Variants in KCNK2 observed in about 807,000 individuals in gnomAD.
The protein encoded by KCNK2 is potassium two pore domain channel subfamily K member 2, also known as potassium channel subfamily K member 2.
In KCNK2, 21 loss-of-function variants were observed where a neutral mutation model predicts 40.5. That is an observed-to-expected ratio of 0.52 (90% CI 0.37 to 0.75). KCNK2 has a LOEUF of 0.75. Among genes scored for constraint, KCNK2 ranks in the 30% least tolerant of loss-of-function variants. KCNK2 has a pLI of 0.00. For synonymous variants in KCNK2, 191 were observed against 202.2 expected (o/e 0.94, Z 0.47); for missense variants, 399 against 531.6 (o/e 0.75, Z 2.45).
intron 2 of KCNK2, among the ~76,000 whole-genome samples, chr1:215,092,994 G>T (rs1372048880): frequency 1.3e-5 from 2 of 152,188 alleles, no homozygotes; most frequent in Non-Finnish European, 2.9e-5. Flanking sequence ...TCCAAGTGGA[G>T]ATGTTAAGTA....
chr1:215,228,234 A>G (rs561815577), intron 6 of KCNK2, among the ~76,000 whole-genome samples: 1 of 152,310 alleles, frequency 6.6e-6, no homozygotes, highest in African/African-American at 2.4e-5. Flanking sequence ...AGCTACAAAG[A>G]TGATTGAGAA....
At chr1:215,078,742 A>T (rs1558079889), upstream of KCNK2, among the ~76,000 whole-genome samples, 1 of 152,168 alleles carries the variant, frequency 6.6e-6, no homozygotes, top group South Asian at 2.1e-4. Flanking sequence ...TCTCACTTTG[A>T]TTCTTACAAC....
intron 1 of KCNK2, among the ~76,000 whole-genome samples, chr1:215,059,864 A>G (rs1413211247): frequency 1.3e-5 from 2 of 152,202 alleles, no homozygotes; most frequent in African/African-American, 2.4e-5. Context: ...TGTGTGTTAC[A>G]TAAGCCTGGG....
chr1:215,187,284 ATAAGT>A (rs1251755313), intron 5 of KCNK2, among the ~76,000 whole-genome samples: 3 of 152,268 alleles, frequency 2.0e-5, no homozygotes, highest in East Asian at 1.9e-4. Context: ...ATTTGTACAG[ATAAGT>A]TAAAGTTAAT....
In KCNK2 at chr1:215,172,100, A is replaced by G. The variant is rs745451746; in HGVS notation, c.740A>G (p.His247Arg). The change falls in exon 5 of 7, where the codon CAC becomes CGC. Residue 247 changes from histidine (H) to arginine (R), a missense_variant. Around this residue, in one of 3 missense-constraint regions of KCNK2, gnomAD observed 279 missense variants for 353.8 expected, o/e 0.79. Transcript: ENST00000444842. ...FVALPAIIFK[H>R]IEGWSALDAI... ...GCTCTGCCTGCGATCATATTCAAAC[A>G]CATAGAAGGCTGGAGTGCCCTGGAC... 6.2e-7 allele frequency: 1 copy of G among 1,613,600 alleles called. No individual in the cohort carries two copies. Among genetic ancestry groups the G allele is most frequent in the East Asian group, 2.2e-5 (1 of 44,844 alleles).
At chr1:215,213,215 T>G (rs148036128) in intron 6 of KCNK2, among the ~76,000 whole-genome samples, 1,875 of 152,300 alleles carry the variant, frequency 0.012, 24 homozygotes, top group Non-Finnish European at 0.014. Flanking sequence ...GTTCTTTTTG[T>G]GTAGGGGCAG....
intron 3 of KCNK2, among the ~76,000 whole-genome samples, chr1:215,135,567 A>G (rs1450774400): frequency 6.6e-6 from 1 of 151,762 alleles, no homozygotes; most frequent in Admixed American, 6.6e-5. Context: ...CCTAATTTTT[A>G]TAATATAAAA....
intron 1 of KCNK2, among the ~76,000 whole-genome samples, chr1:215,007,425 G>T (rs182886394): frequency 1.3e-5 from 2 of 151,446 alleles, no homozygotes; most frequent in African/African-American, 2.4e-5. Context: ...AGATCAAAAG[G>T]CTCTTGGAGT....
intron 1 of KCNK2, among the ~76,000 whole-genome samples, chr1:215,010,866 T>TGGG (rs1396386615): frequency 7.0e-6 from 1 of 142,766 alleles, no homozygotes; most frequent in South Asian, 2.3e-4. Flanking sequence ...TTTTTTTTTT[T>TGGG]TTTGTGTGTG....
chr1:215,169,090 A>C (rs897166709), intron 3 of KCNK2, 109 bp from the exon 4 acceptor site: 2 of 756,192 alleles, frequency 2.6e-6, no homozygotes, highest in Non-Finnish European at 4.2e-6. Flanking sequence ...TTAACTAGTC[A>C]AAATCAATTA....
chr1:215,065,931 G>A (rs1057369344), intron 1 of KCNK2, among the ~76,000 whole-genome samples: 5 of 152,142 alleles, frequency 3.3e-5, no homozygotes, highest in Admixed American at 3.3e-4. Flanking sequence ...AGAAGTTTGA[G>A]TCCAGCCTGG....
chr1:215,124,734 T>C lies in KCNK2; in HGVS notation c.459T>C (p.Thr153=). ...DLGSSFFFAG[T]VITTIGFGNI... The stretch of plus-strand genomic sequence containing the variant: ...GAAGTTCCTTCTTCTTTGCTGGCAC[T>C]GTTATTACAACCATAGGTAGGAGAC... Residue 153 remains threonine, a synonymous_variant, in exon 3 of 7, where the codon ACT becomes ACC. Transcript: ENST00000444842. 1 of 1,597,862 alleles carries C rather than the reference T, an allele frequency of 6.3e-7. No individual in the cohort carries two copies. Among genetic ancestry groups the C allele is most frequent in the East Asian group, 2.2e-5 (1 of 44,728 alleles).
chr1:215,053,808 A>G (rs1031273309), intron 1 of KCNK2, among the ~76,000 whole-genome samples: 12 of 152,298 alleles, frequency 7.9e-5, no homozygotes, highest in Non-Finnish European at 1.6e-4. Flanking sequence ...CTCTACTAAA[A>G]ATACAAAAGT....
intron 1 of KCNK2, among the ~76,000 whole-genome samples, chr1:215,007,029 A>ATGTGTGTG (rs1447540201): frequency 1.5e-5 from 1 of 68,434 alleles, no homozygotes; most frequent in African/African-American, 5.3e-5. Flanking sequence ...ATATATATAT[A>ATGTGTGTG]TATATATATG....
At chr1:215,169,404 T>G (rs992924161) in intron 4 of KCNK2, 45 bp downstream of exon 4, 1 of 1,449,848 alleles carries the variant, frequency 6.9e-7, no homozygotes, top group Non-Finnish European at 9.4e-7. Context: ...TTGTTTGATT[T>G]TTTTAAAAAA....
At chr1:215,025,297 C>T (rs1656964578) in intron 1 of KCNK2, among the ~76,000 whole-genome samples, 1 of 151,992 alleles carries the variant, frequency 6.6e-6, no homozygotes, top group Non-Finnish European at 1.5e-5. Flanking sequence ...ATAAATTGCT[C>T]CTCCAGGTCA....
intron 1 of KCNK2, among the ~76,000 whole-genome samples, chr1:215,035,032 T>C (rs1657337343): frequency 6.6e-6 from 1 of 152,088 alleles, no homozygotes; most frequent in South Asian, 2.1e-4. Flanking sequence ...TGTTCACTTC[T>C]AGTATACAAA....
chr1:215,186,911 T>G (rs1664461779), intron 5 of KCNK2, among the ~76,000 whole-genome samples: 1 of 152,178 alleles, frequency 6.6e-6, no homozygotes, highest in African/African-American at 2.4e-5. Context: ...TAATTCTTCC[T>G]AAAGGGTGAG....
At chr1:215,135,906 T>C (rs964011121) in intron 3 of KCNK2, among the ~76,000 whole-genome samples, 2 of 151,984 alleles carry the variant, frequency 1.3e-5, no homozygotes, top group African/African-American at 2.4e-5. Context: ...AGCTAATTTT[T>C]GTATTTTTAG....
Sources: gnomAD v4.1 joint callset for allele counts (sites outside exome capture counted in the v4.1 genomes callset) on GRCh38, gnomAD v4.1.1 for gene constraint, gnomAD v4.1.1 regional missense constraint, MANE v1.5 for transcripts, NCBI Gene and HGNC (gene_info 2026-07-23, HGNC 2026-07-21) for gene names.